Variants in PTPRT observed in about 807,000 individuals in gnomAD.
The protein encoded by PTPRT is protein tyrosine phosphatase receptor type T.
Under a neutral mutation model 176.8 loss-of-function variants are expected in PTPRT, and 56 were observed. The observed-to-expected ratio is 0.32, with a 90% CI of 0.26 to 0.40. PTPRT has a LOEUF of 0.40. PTPRT is among the 10% of genes least tolerant of loss of function. PTPRT has a pLI of 1.00. For missense variants in PTPRT, 1,540 were observed against 1,908.2 expected (o/e 0.81, Z 3.60); for synonymous variants, 783 against 739.0 (o/e 1.06, Z -0.96).
At chr20:42,481,604 T>G (rs951847510) in intron 7 of PTPRT, among the ~76,000 whole-genome samples, 2 of 152,004 alleles carry the variant, frequency 1.3e-5, no homozygotes, top group African/African-American at 4.8e-5. Flanking sequence ...AAAATAGGCG[T>G]GTACTCATCA....
intron 12 of PTPRT, among the ~76,000 whole-genome samples, chr20:42,296,035 T>C (rs1410985098): frequency 6.6e-6 from 1 of 152,236 alleles, no homozygotes; most frequent in Non-Finnish European, 1.5e-5. Flanking sequence ...CAGTCTCAGG[T>C]AATATCTTTA....
intron 7 of PTPRT, among the ~76,000 whole-genome samples, chr20:42,614,519 C>A (rs4508660): frequency 1.3e-5 from 2 of 151,726 alleles, no homozygotes; most frequent in Non-Finnish European, 2.9e-5. Context: ...CAGTGTCAGC[C>A]GAGCTAACAC....
chr20:42,894,861 G>A (rs924637769), intron 1 of PTPRT, among the ~76,000 whole-genome samples: 4 of 152,184 alleles, frequency 2.6e-5, no homozygotes, highest in Non-Finnish European at 5.9e-5. Context: ...GTGTTATAGG[G>A]AGGAGAAGAA....
At position 42,677,957 on chromosome 20, in the gene PTPRT, A is replaced by G. The variant is rs2146065685; in HGVS notation, c.1062T>C (p.Val354=). 5.6e-6 allele frequency: 9 copies of G among 1,614,096 alleles called. No individual in the cohort carries two copies. Among genetic ancestry groups the G allele is most frequent in the Non-Finnish European group, 7.6e-6 (9 of 1,180,018 alleles). ...TGAGGAGCACTCGGATCTCATACTC[A>G]ACATCGGGGTCCAGATGCCACAGCT... ...NYKLWHLDPD[V]EYEIRVLLTR... Residue 354 remains valine (V), a synonymous_variant, in exon 7 of 31, where the codon GTT becomes GTC. Transcript: ENST00000373187.
chr20:43,056,861 G>A (rs1054417903), intron 1 of PTPRT, among the ~76,000 whole-genome samples: 1 of 152,106 alleles, frequency 6.6e-6, no homozygotes, highest in Non-Finnish European at 1.5e-5. Context: ...CCCAAGTAAA[G>A]GCTAGTCTTG....
intron 7 of PTPRT, among the ~76,000 whole-genome samples, chr20:42,602,505 T>C (rs917029813): frequency 1.3e-5 from 2 of 152,126 alleles, no homozygotes; most frequent in African/African-American, 4.8e-5. Flanking sequence ...TTAACTCTCC[T>C]GACAACTCTG....
At chr20:42,225,883 C>T (rs926531536) in intron 15 of PTPRT, among the ~76,000 whole-genome samples, 2 of 152,160 alleles carry the variant, frequency 1.3e-5, no homozygotes, top group African/African-American at 4.8e-5. Flanking sequence ...GAATTTCTGA[C>T]CTCAAGTGAT....
chr20:42,937,686 G>A (rs1980278449), intron 1 of PTPRT, among the ~76,000 whole-genome samples: 1 of 152,208 alleles, frequency 6.6e-6, no homozygotes, highest in Non-Finnish European at 1.5e-5. Context: ...ACACTGATGA[G>A]AAGAGTGCCA....
intron 1 of PTPRT, among the ~76,000 whole-genome samples, chr20:43,103,346 G>A (rs2146328598): frequency 6.6e-6 from 1 of 152,324 alleles, no homozygotes; most frequent in Non-Finnish European, 1.5e-5. Flanking sequence ...GACCCCAAGA[G>A]TGTAAGTACA....
chr20:42,042,739 G>A, the PTPRT span, among the ~76,000 whole-genome samples: 10 of 152,194 alleles, frequency 6.6e-5, no homozygotes, highest in Admixed American at 1.3e-4. Context: ...CAGCCTTATA[G>A]CCAGTTAGTG....
intron 1 of PTPRT, among the ~76,000 whole-genome samples, chr20:43,054,113 T>C (rs1371705174): frequency 6.6e-6 from 1 of 152,142 alleles, no homozygotes; most frequent in African/African-American, 2.4e-5. Context: ...AGGGTAAGAA[T>C]AGGAAGTCCT....
intron 19 of PTPRT, 114 bp from the exon 20 acceptor site, chr20:42,120,085 A>C (rs1303107903): frequency 1.1e-6 from 1 of 889,182 alleles, no homozygotes; most frequent in Non-Finnish European, 1.7e-6. Flanking sequence ...AAATGAGAAC[A>C]GCATCAGTTA....
At chr20:42,694,579 T>G (rs779232372) in intron 6 of PTPRT, among the ~76,000 whole-genome samples, 1 of 152,164 alleles carries the variant, frequency 6.6e-6, no homozygotes, top group Non-Finnish European at 1.5e-5. Context: ...GAGTTCAATC[T>G]CTGGGTCATA....
chr20:42,951,568 G>C (rs769640151), intron 1 of PTPRT, among the ~76,000 whole-genome samples: 2 of 152,212 alleles, frequency 1.3e-5, no homozygotes, highest in Admixed American at 6.5e-5. Flanking sequence ...GGATATCTGA[G>C]ATAAGGTCCC....
At chr20:42,237,332 C>T (rs1183640401) in intron 14 of PTPRT, among the ~76,000 whole-genome samples, 2 of 152,172 alleles carry the variant, frequency 1.3e-5, no homozygotes, top group Admixed American at 1.3e-4. Context: ...GGAGTTCCAA[C>T]CTTCAGTCTG....
intron 1 of PTPRT, among the ~76,000 whole-genome samples, chr20:42,967,006 G>A (rs923763470): frequency 1.3e-5 from 2 of 152,124 alleles, no homozygotes; most frequent in African/African-American, 4.8e-5. Flanking sequence ...ATTTGGTCTG[G>A]TATTATCTAC....
chr20:42,872,240 G>A (rs998033962), intron 2 of PTPRT, among the ~76,000 whole-genome samples: 2 of 152,244 alleles, frequency 1.3e-5, no homozygotes, highest in African/African-American at 4.8e-5. Context: ...GGTAGATGAA[G>A]AGGGAAAACA....
At position 42,457,474 on chromosome 20, in the gene PTPRT, T is replaced by G. The variant is rs149272426; in HGVS notation, c.1451-9145A>C. On this transcript the variant is annotated intron_variant, in intron 8 of 30. Coordinates refer to ENST00000373187, the MANE Select transcript of PTPRT (RefSeq NM_007050.6). ...GCACTATCAGATTTGTTCTTTACAA[T>G]AAGAATGAAAGCATTTTTAAAAATC... Among the ~76,000 whole-genome samples the G allele has an allele frequency of 5.6e-4, 85 of 152,294 alleles. 1 individual carries two copies. The highest frequency in any genetic ancestry group is 1.9e-4 in the Non-Finnish European group (13 of 68,012).
chr20:43,185,367 G>A (rs1005532509), intron 1 of PTPRT, among the ~76,000 whole-genome samples: 3 of 152,194 alleles, frequency 2.0e-5, no homozygotes, highest in Admixed American at 1.3e-4. Context: ...TTAGGGAAGA[G>A]CAGAGGACAG....
Sources: allele counts gnomAD v4.1 joint callset (sites outside exome capture counted in the v4.1 genomes callset), GRCh38; gene constraint gnomAD v4.1.1; transcripts MANE v1.5; gene names NCBI Gene and HGNC (gene_info 2026-07-23, HGNC 2026-07-21).